The following LRP11 variants were observed in gnomAD, a reference collection of about 807,000 sequenced individuals.
The protein encoded by LRP11 is LDL receptor related protein 11.
A neutral mutation model predicts 43.1 loss-of-function variants in LRP11; 25 were observed. The ratio of observed to expected loss-of-function variants is 0.58; its 90% confidence interval spans 0.42 to 0.81. The LOEUF (loss-of-function observed/expected upper bound fraction) is 0.81, where lower values mean the gene tolerates loss of function less well. Among genes scored for constraint, LRP11 ranks in the 30% least tolerant of loss-of-function variants. The pLI is 0.00. For synonymous variants in LRP11, 316 were observed against 299.4 expected (o/e 1.06, Z -0.57); for missense variants, 623 against 665.1 (o/e 0.94, Z 0.70).
chr6:149,859,396 A>ATATATTTTTTTTTTTTTTT, intron 1 of LRP11, among the ~76,000 whole-genome samples: 2 of 71,512 alleles, frequency 2.8e-5, no homozygotes, highest in African/African-American at 1.6e-4. Context: ...ATATATATAT[A>ATATATTTTTTTTTTTTTTT]TTTTTTTTTT....
chr6:149,830,747 T>C (rs1776398411), intron 5 of LRP11, among the ~76,000 whole-genome samples: 1 of 152,214 alleles, frequency 6.6e-6, no homozygotes, highest in Non-Finnish European at 1.5e-5. Context: ...TAAATGCCCT[T>C]ATTCCCTGGG....
chr6:149,837,815 G>A (rs1450549170), intron 3 of LRP11, among the ~76,000 whole-genome samples: 1 of 152,132 alleles, frequency 6.6e-6, no homozygotes, highest in Non-Finnish European at 1.5e-5. Context: ...AACCATTGTT[G>A]GAACCTCTTC....
At chr6:149,859,396 A>ATATATATATATATATATT in intron 1 of LRP11, among the ~76,000 whole-genome samples, 4 of 71,496 alleles carry the variant, frequency 5.6e-5, no homozygotes, top group East Asian at 8.8e-4. Flanking sequence ...ATATATATAT[A>ATATATATATATATATATT]TTTTTTTTTT....
intron 1 of LRP11, among the ~76,000 whole-genome samples, chr6:149,857,749 C>T (rs1341458826): frequency 1.3e-5 from 2 of 152,184 alleles, no homozygotes; most frequent in African/African-American, 4.8e-5. Context: ...ACTGGCTCAT[C>T]TGGTCTTGTG....
chr6:149,863,157 G>A (rs1776953499), intron 1 of LRP11, among the ~76,000 whole-genome samples: 2 of 152,098 alleles, frequency 1.3e-5, no homozygotes, highest in Non-Finnish European at 2.9e-5. Flanking sequence ...ATATTTCCAC[G>A]AATCCTCTCA....
At chr6:149,842,336 T>C (rs111844744) in intron 3 of LRP11, among the ~76,000 whole-genome samples, 14 of 152,320 alleles carry the variant, frequency 9.2e-5, no homozygotes, top group African/African-American at 2.6e-4. Flanking sequence ...ATGTTTGCAT[T>C]GTGGAATGAT....
intron 3 of LRP11, among the ~76,000 whole-genome samples, chr6:149,839,376 T>C (rs1025101229): frequency 6.6e-6 from 1 of 152,096 alleles, no homozygotes; most frequent in African/African-American, 2.4e-5. Context: ...ACTGAGAACA[T>C]GGGCCTGAAG....
At chr6:149,843,715 A>G (rs1343579512) in intron 2 of LRP11, among the ~76,000 whole-genome samples, 1 of 152,076 alleles carries the variant, frequency 6.6e-6, no homozygotes, top group Non-Finnish European at 1.5e-5. Flanking sequence ...ACAACAAATA[A>G]AAAAAATTCC....
rs1776249138 is a variant in LRP11 at position 149,819,328 on chromosome 6, G to C, written c.*1221C>G. The C allele has an allele frequency of 6.6e-6, 1 of 151,966 alleles. No individual in the cohort carries two copies. The highest frequency in any genetic ancestry group is 2.4e-5 in the African/African-American group (1 of 41,380). The allele number at this position is 151,966 out of a possible 1,614,324, so 9.4% of individuals were successfully genotyped here. A position where few individuals can be genotyped will look rare whatever the true frequency, so the allele number is the denominator to read the frequency against. On this transcript the variant is annotated 3_prime_UTR_variant, in exon 7 of 7. Transcript: ENST00000239367. ...TTATGGTTAAAAAAAACGTGAATAA[G>C]AATATCATGTGAGTGTAGATAGGCA...
chr6:149,845,054 C>T (rs1162091834), intron 2 of LRP11, among the ~76,000 whole-genome samples: 4 of 152,166 alleles, frequency 2.6e-5, no homozygotes, highest in Non-Finnish European at 4.4e-5. Flanking sequence ...GCACAGAACC[C>T]GGTGTCCAAT....
rs1028357431 is a variant in LRP11, at chr6:149,834,667, C to T, written c.1252+1418G>A. On this transcript the variant is annotated intron_variant, in intron 5 of 6. Coordinates refer to ENST00000239367, the MANE Select transcript of LRP11 (RefSeq NM_032832.6). ...CTTAAGCAGAGAAAACCCACTAAAA[C>T]CACATCCAAAGGCTTGCATGTAGTG... is the stretch of plus-strand genomic sequence containing the variant. Among the ~76,000 whole-genome samples, 3 of 152,298 alleles carry T rather than the reference C, an allele frequency of 2.0e-5. No individual in the cohort carries two copies. In the South Asian group the frequency reaches 6.2e-4, roughly 32 times the overall value.
chr6:149,836,023 G>A (rs1776466147), intron 5 of LRP11, 62 bp downstream of exon 5: 2 of 1,412,858 alleles, frequency 1.4e-6, no homozygotes, highest in Non-Finnish European at 1.0e-6. Context: ...AAACTTAATT[G>A]TGAGCCAAGT....
chr6:149,864,241 G>A lies in LRP11; in HGVS notation c.-221C>T, dbSNP rs1777001522. ...GACATAGCCGGCCCAGCCGGGCACC[G>A]CTCCTTGCCCTCGCCGGAGACTGCC... On this transcript the variant is annotated 5_prime_UTR_variant, in exon 1 of 7. Transcript: ENST00000239367. 4 of 1,091,680 alleles carry A rather than the reference G, an allele frequency of 3.7e-6. No homozygotes were observed. The highest frequency in any genetic ancestry group is 5.1e-5 in the Admixed American group (1 of 19,430). 67.6% of individuals were successfully genotyped at this position (1,091,680 alleles called of 1,614,324 possible). A position where few individuals can be genotyped will look rare whatever the true frequency, so the allele number is the denominator to read the frequency against.
chr6:149,833,010 A>G (rs989975902), intron 5 of LRP11, among the ~76,000 whole-genome samples: 2 of 151,882 alleles, frequency 1.3e-5, no homozygotes, highest in South Asian at 2.1e-4. Context: ...GCGTTTCACC[A>G]TGTTAGCCAG....
intron 5 of LRP11, among the ~76,000 whole-genome samples, chr6:149,826,710 T>C (rs1316022553): frequency 2.6e-5 from 4 of 152,194 alleles, no homozygotes; most frequent in African/African-American, 7.2e-5. Context: ...AGGTTTTTCT[T>C]TGAAGAATAA....
intron 3 of LRP11, among the ~76,000 whole-genome samples, chr6:149,839,298 A>G (rs7752089): frequency 0.43 from 64,791 of 151,850 alleles, 14,761 homozygotes; most frequent in East Asian, 0.81. Context: ...GAGGAAGAGA[A>G]GTTAAAGAAA....
At chr6:149,862,985 CAA>C (rs1776947106) in intron 1 of LRP11, among the ~76,000 whole-genome samples, 1 of 152,164 alleles carries the variant, frequency 6.6e-6, no homozygotes, top group South Asian at 2.1e-4. Context: ...CCACCGCAGG[CAA>C]AGTCAGGAGA....
At position 149,837,387 on chromosome 6, in the gene LRP11, A is replaced by T; in HGVS notation, c.990T>A (p.Asp330Glu). 6.2e-7 allele frequency: 1 copy of T among 1,614,152 alleles called. No homozygotes were observed. Among genetic ancestry groups the T allele is most frequent in the Non-Finnish European group, 8.5e-7 (1 of 1,180,032 alleles). ...GCCIDITLAC[D>E]GVQQCPDGSD... ...ACCCATCAGGACACTGCTGCACTCC[A>T]TCGCAGGCGAGCGTGATGTCAATGC... Residue 330 changes from aspartate to glutamate, a missense_variant, in exon 4 of 7, where the codon GAT becomes GAA. By Grantham distance (45) the Asp-to-Glu change is conservative. Coordinates refer to ENST00000239367, the MANE Select transcript of LRP11 (RefSeq NM_032832.6).
At chr6:149,846,123 T>C (rs1223796064) in intron 2 of LRP11, among the ~76,000 whole-genome samples, 2 of 152,136 alleles carry the variant, frequency 1.3e-5, no homozygotes, top group African/African-American at 2.4e-5. Context: ...GAAGGTCAGT[T>C]ATGGCCTCTT....
Sources: gnomAD v4.1 joint callset for allele counts (sites outside exome capture counted in the v4.1 genomes callset) on GRCh38, gnomAD v4.1.1 for gene constraint, MANE v1.5 for transcripts, NCBI Gene and HGNC (gene_info 2026-07-23, HGNC 2026-07-21) for gene names.